Variants in CAPN12 observed in about 807,000 individuals in gnomAD.
CAPN12 encodes the protein calpain 12.
Under a neutral mutation model 95.0 loss-of-function variants are expected in CAPN12, and 107 were observed. That is an observed-to-expected ratio of 1.13 (90% confidence interval 0.96 to 1.32). CAPN12 has a LOEUF of 1.32. CAPN12 is among the 40% of genes most tolerant of loss of function. The pLI is 0.00. For missense variants in CAPN12, 1,136 were observed against 997.8 expected (o/e 1.14, Z -1.87); for synonymous variants, 505 against 415.5 (o/e 1.22, Z -2.62).
intron 5 of CAPN12, chr19:38,739,766 G>T: frequency 3.4e-6 from 1 of 295,390 alleles, no homozygotes; most frequent in Admixed American, 5.0e-5. Context: ...CTGCAGCTAT[G>T]GGGGATCCTT....
In CAPN12 at chr19:38,735,412, C is replaced by CAGGGGCAGGTAGGGGCAGGT. The variant is rs370441709; in HGVS notation, c.1643_1644insACCTGCCCCTACCTGCCCCT (p.Glu549ProfsTer34). 1 of 1,609,708 alleles carries CAGGGGCAGGTAGGGGCAGGT rather than the reference C, an allele frequency of 6.2e-7. No individual in the cohort carries two copies. Among genetic ancestry groups the CAGGGGCAGGTAGGGGCAGGT allele is most frequent in the Non-Finnish European group, 8.5e-7 (1 of 1,178,248 alleles). ...GAAACAGCTGCTCCAACCCCAGCTC[C>CAGGGGCAGGTAGGGGCAGGT]AGGGGCAGGTAGGGGCCCTGCCGCA... On this transcript the variant is annotated frameshift_variant, in exon 14 of 21. Transcript: ENST00000328867. LOFTEE classifies it high-confidence loss of function.
chr19:38,744,012 G>A lies in CAPN12; in HGVS notation c.154C>T (p.Pro52Ser). Residue 52 changes from proline to serine, a missense_variant, in exon 1 of 21, where the codon CCT (proline) becomes TCT (serine). Physicochemically the swap from Pro to Ser is moderately conservative, Grantham distance 74. Coordinates refer to ENST00000328867, the MANE Select transcript of CAPN12 (RefSeq NM_144691.4). ...TAGCCAAGGGCATCAGGGCCAGCAGGGAAGTAAGGGTCGCGGAACAGGATC... is the reference window on the plus strand; with the variant it reads ...TAGCCAAGGGCATCAGGGCCAGCAGAGAAGTAAGGGTCGCGGAACAGGATC... ...SGILFRDPYF[P>S]AGPDALGYDQ... is the part of the protein sequence containing the mutation. 6.2e-7 allele frequency: 1 copy of A among 1,614,242 alleles called. No individual in the cohort carries two copies. Among genetic ancestry groups the A allele is most frequent in the Non-Finnish European group, 8.5e-7 (1 of 1,180,042 alleles).
chr19:38,736,865 C>T, intron 10 of CAPN12: 2 of 585,292 alleles, frequency 3.4e-6, no homozygotes, highest in South Asian at 4.2e-5. Context: ...CCCTCCCTCT[C>T]ATTCCCTTAG....
chr19:38,744,576 T>C, upstream of CAPN12: 1 of 257,772 alleles, frequency 3.9e-6, no homozygotes, highest in South Asian at 5.1e-5. Context: ...CCCCTCCCTC[T>C]GACAGTTTCT....
At chr19:38,742,194 C>T (rs536739655) in intron 3 of CAPN12, 7 of 613,748 alleles carry the variant, frequency 1.1e-5, no homozygotes, top group Middle Eastern at 4.4e-4. Context: ...GGCATGATGG[C>T]GGGTGCCTGT....
intron 18 of CAPN12, 180 bp downstream of exon 18, chr19:38,733,519 CTCCT>C (rs1969789069): frequency 1.7e-6 from 1 of 579,690 alleles, no homozygotes; most frequent in East Asian, 2.9e-5. Flanking sequence ...CCTTGCCCTT[CTCCT>C]TCCTTATTTG....
At chr19:38,734,288 C>G in intron 16 of CAPN12, 31 bp downstream of exon 16, 1 of 1,602,778 alleles carries the variant, frequency 6.2e-7, no homozygotes. Flanking sequence ...TCCCCACTCC[C>G]TCCCTCACCC....
At position 38,734,888 on chromosome 19, in the gene CAPN12, G is replaced by A. The variant is rs775905403; in HGVS notation, c.1687-18C>T. The A allele has an allele frequency of 4.3e-6, 7 of 1,611,722 alleles. No individual in the cohort carries two copies. Among genetic ancestry groups the A allele is most frequent in the South Asian group, 3.3e-5 (3 of 90,928 alleles). On this transcript the variant is annotated intron_variant, in intron 14 of 20. Coordinates refer to ENST00000328867, the MANE Select transcript of CAPN12 (RefSeq NM_144691.4). ...TCTTCCTCCTAGTCCAGGAAAGAGG[G>A]CTTGTGAGGCCATTTACTCATCCAG... is the stretch of plus-strand genomic sequence containing the variant.
Position 38,738,265 on chromosome 19 carries a change from G to A in CAPN12, c.965+8C>T, listed in dbSNP as rs769140015. 9 of 1,611,768 alleles carry A rather than the reference G, an allele frequency of 5.6e-6. No individual in the cohort carries two copies. The East Asian group carries it at 6.7e-5, about 12-fold the overall frequency. ...CCAGAGGCAGAGCTGGGACCCTGAC[G>A]AACTGACCAGAACTCGCCATCCTCC... On this transcript the variant is annotated splice_region_variant and intron_variant, in intron 8 of 20. Transcript: ENST00000328867.
intron 18 of CAPN12, 50 bp downstream of exon 18, chr19:38,733,652 TG>T: frequency 1.3e-6 from 2 of 1,501,142 alleles, no homozygotes; most frequent in Non-Finnish European, 1.9e-6. Context: ...GACAATGGGA[TG>T]GGAGAGAACA....
In CAPN12 at chr19:38,735,387, G is replaced by C. The variant is rs926022779; in HGVS notation, c.1669C>G (p.Gln557Glu). The C allele has an allele frequency of 2.5e-6, 4 of 1,604,504 alleles. No individual in the cohort carries two copies. In the African/African-American group the frequency reaches 4.0e-5, roughly 16 times the overall value. ...CTCCTCACCTCTCCAGCCAGCTCCT[G>C]AAACAGCTGCTCCAACCCCAGCTCC... The part of the protein sequence containing the change: ...PLELGLEQLF[Q>E]ELAGEEEELN... The change falls in exon 14 of 21, where the codon CAG becomes GAG. Residue 557 changes from glutamine to glutamate, a missense_variant. Transcript: ENST00000328867.
At position 38,736,153 on chromosome 19, in the gene CAPN12, C is replaced by A; in HGVS notation, c.1540G>T (p.Asp514Tyr). The change falls in exon 12 of 21, where the codon GAC becomes TAC. Residue 514 changes from aspartate to tyrosine, a missense_variant. Transcript: ENST00000328867. Reference sequence around the variant, plus strand: ...TCGGAGAAGACACGCAGAGTGAAGTCAGCCTCGTCGCCGGCGTGGGCGGTG... The same window carrying A: ...TCGGAGAAGACACGCAGAGTGAAGTAAGCCTCGTCGCCGGCGTGGGCGGTG... Reference protein sequence around the residue: ...PSTAHAGDEADFTLRVFSERR... With the variant: ...PSTAHAGDEAYFTLRVFSERR... 6.6e-7 allele frequency: 1 copy of A among 1,515,568 alleles called. No individual in the cohort carries two copies. 93.9% of individuals were successfully genotyped at this position (1,515,568 alleles called of 1,614,324 possible). A position where few individuals can be genotyped will look rare whatever the true frequency, so the allele number is the denominator to read the frequency against.
At position 38,730,743 on chromosome 19, in the gene CAPN12, C is replaced by T. The variant is rs1599874187; in HGVS notation, c.*109G>A. The stretch of plus-strand genomic sequence containing the variant: ...GAGCAGTGAGGGCCAGAGACTAGCC[C>T]CAGACAGGTGGATGCCAGAGAGAGT... On this transcript the variant is annotated 3_prime_UTR_variant, in exon 21 of 21. Transcript: ENST00000328867. 7.2e-7 allele frequency: 1 copy of T among 1,389,906 alleles called. No individual in the cohort carries two copies. Among genetic ancestry groups the T allele is most frequent in the East Asian group, 2.5e-5 (1 of 40,166 alleles). 86.1% of individuals were successfully genotyped at this position (1,389,906 alleles called of 1,614,324 possible). A position where few individuals can be genotyped will look rare whatever the true frequency, so the allele number is the denominator to read the frequency against.
intron 18 of CAPN12, among the ~76,000 whole-genome samples, chr19:38,731,746 C>G (rs995216411): frequency 3.9e-5 from 6 of 152,228 alleles, no homozygotes; most frequent in African/African-American, 1.2e-4. Context: ...GTCTCCCACA[C>G]GGCCAGACAA....
intron 10 of CAPN12, 44 bp from the exon 11 acceptor site, chr19:38,736,607 G>A (rs1370773286): frequency 2.5e-6 from 4 of 1,584,158 alleles, no homozygotes; most frequent in Non-Finnish European, 3.4e-6. Flanking sequence ...GGGGAGAGGT[G>A]GCCGCCGCTC....
intron 5 of CAPN12, chr19:38,739,710 C>CTT (rs58154433): frequency 1.7e-3 from 260 of 151,564 alleles, no homozygotes; most frequent in Middle Eastern, 5.6e-3. Context: ...GAAAGAGGCA[C>CTT]TTTTTTTTTT....
chr19:38,733,974 G>T, intron 17 of CAPN12, 168 bp downstream of exon 17: 1 of 818,402 alleles, frequency 1.2e-6, no homozygotes, highest in Non-Finnish European at 1.9e-6. Flanking sequence ...TGACCCAGAG[G>T]ACAAGCTGAG....
Position 38,736,286 on chromosome 19 carries a change from A to G in CAPN12, c.1407T>C (p.His469=). 2 of 1,444,948 alleles carry G rather than the reference A, an allele frequency of 1.4e-6. No homozygotes were observed. Among genetic ancestry groups the G allele is most frequent in the Non-Finnish European group, 1.8e-6 (2 of 1,107,158 alleles). 89.5% of individuals were successfully genotyped at this position (1,444,948 alleles called of 1,614,324 possible). A position where few individuals can be genotyped will look rare whatever the true frequency, so the allele number is the denominator to read the frequency against. ...CGCGCAGCAGCCGGGGCAGGAGCGCATGGCTGCGCGGGGAATCCCAGAGGC... is the reference window on the plus strand; with the variant it reads ...CGCGCAGCAGCCGGGGCAGGAGCGCGTGGCTGCGCGGGGAATCCCAGAGGC... ...LLGLWDSPRS[H]ALLPRLLRAD... Residue 469 remains histidine (H), a synonymous_variant, in exon 12 of 21, where the codon CAT becomes CAC. Transcript: ENST00000328867.
At chr19:38,731,259 A>G (rs1969581250) in intron 18 of CAPN12, 36 bp from the exon 19 acceptor site, 1 of 1,555,822 alleles carries the variant, frequency 6.4e-7, no homozygotes, top group Non-Finnish European at 8.8e-7. Flanking sequence ...AGTGGCCCAC[A>G]GGGAACCCAC....
Sources: gnomAD v4.1 joint callset for allele counts (sites outside exome capture counted in the v4.1 genomes callset) on GRCh38, gnomAD v4.1.1 for gene constraint, MANE v1.5 for transcripts, NCBI Gene and HGNC (gene_info 2026-07-23, HGNC 2026-07-21) for gene names.